The following GPC5 variants were observed in gnomAD, a reference collection of about 807,000 sequenced individuals.
GPC5 encodes the protein glypican 5, also known as glypican-5.
GPC5 carries 47 observed loss-of-function variants against 53.9 expected under a neutral mutation model. The ratio of observed to expected loss-of-function variants is 0.87; its 90% CI spans 0.69 to 1.11. The LOEUF (loss-of-function observed/expected upper bound fraction) is 1.11. Ranked by LOEUF, GPC5 falls within the 50% of genes most tolerant of loss-of-function variation. The probability of loss-of-function intolerance (pLI) is 0.00; values close to 1 mark genes in which losing one functional copy is unlikely to be tolerated. For synonymous variants in GPC5, 286 were observed against 263.3 expected, an observed-to-expected ratio of 1.09 and a Z score of -0.84; for missense variants, 748 against 713.1, an observed-to-expected ratio of 1.05 and a Z score of -0.56.
intron 7 of GPC5, among the ~76,000 whole-genome samples, chr13:92,849,088 A>G (rs1878706004): frequency 7.0e-6 from 1 of 142,766 alleles, no homozygotes; most frequent in African/African-American, 2.7e-5. Context: ...TAATATCCTT[A>G]ATTATGTTAC....
chr13:92,106,159 T>G (rs936514069), intron 6 of GPC5, among the ~76,000 whole-genome samples: 1 of 152,024 alleles, frequency 6.6e-6, no homozygotes, highest in Non-Finnish European at 1.5e-5. Context: ...TCTATGTGTT[T>G]AAATTTAGAA....
intron 7 of GPC5, among the ~76,000 whole-genome samples, chr13:92,339,239 A>G (rs1452922618): frequency 1.3e-5 from 2 of 151,504 alleles, no homozygotes; most frequent in African/African-American, 4.8e-5. Context: ...TCTTTTTCCA[A>G]TGTTTCTTTA....
At chr13:91,735,371 A>C (rs1258860772) in intron 4 of GPC5, among the ~76,000 whole-genome samples, 1 of 150,614 alleles carries the variant, frequency 6.6e-6, no homozygotes, top group Non-Finnish European at 1.5e-5. Context: ...TTCACCTCAC[A>C]CTCATTCTAA....
intron 7 of GPC5, among the ~76,000 whole-genome samples, chr13:92,819,222 GC>G (rs1367138487): frequency 1.3e-5 from 2 of 151,922 alleles, no homozygotes; most frequent in African/African-American, 4.8e-5. Context: ...ATTTTTAAAT[GC>G]ATAGGATATT....
At chr13:92,708,088 T>C (rs969424771) in intron 7 of GPC5, among the ~76,000 whole-genome samples, 1 of 152,174 alleles carries the variant, frequency 6.6e-6, no homozygotes, top group African/African-American at 2.4e-5. Context: ...AGTACATATA[T>C]TTTAAGTGTT....
At chr13:91,628,548 G>A in intron 2 of GPC5, among the ~76,000 whole-genome samples, 1 of 151,882 alleles carries the variant, frequency 6.6e-6, no homozygotes, top group Non-Finnish European at 1.5e-5. Context: ...ATCAGTTGAA[G>A]TAAAATAATA....
chr13:92,854,184 C>T (rs1002194716), intron 7 of GPC5, among the ~76,000 whole-genome samples: 1 of 148,802 alleles, frequency 6.7e-6, no homozygotes, highest in Non-Finnish European at 1.5e-5. Context: ...CATTACCCCA[C>T]CTGTAGTGAT....
At chr13:92,298,509 C>T (rs1024985503) in intron 7 of GPC5, among the ~76,000 whole-genome samples, 2 of 152,208 alleles carry the variant, frequency 1.3e-5, no homozygotes, top group African/African-American at 4.8e-5. Context: ...CCGCTGCTTC[C>T]TCTACCCCTG....
At chr13:92,421,283 G>A (rs1013252710) in intron 7 of GPC5, among the ~76,000 whole-genome samples, 1 of 152,198 alleles carries the variant, frequency 6.6e-6, no homozygotes, top group Non-Finnish European at 1.5e-5. Flanking sequence ...GCTGACTGGA[G>A]TGGAGAAAAG....
At chr13:92,768,219 C>T (rs1343779368) in intron 7 of GPC5, among the ~76,000 whole-genome samples, 1 of 152,158 alleles carries the variant, frequency 6.6e-6, no homozygotes, top group African/African-American at 2.4e-5. Context: ...TACAAACTTA[C>T]AAAATGCATT....
intron 1 of GPC5, among the ~76,000 whole-genome samples, chr13:91,415,471 G>C (rs1191962337): frequency 6.6e-6 from 1 of 152,056 alleles, no homozygotes; most frequent in Non-Finnish European, 1.5e-5. Context: ...GTCCACAGCC[G>C]CACATAGACC....
At chr13:91,924,734 T>C (rs867651472) in intron 6 of GPC5, among the ~76,000 whole-genome samples, 4 of 152,002 alleles carry the variant, frequency 2.6e-5, no homozygotes, top group Non-Finnish European at 5.9e-5. Context: ...TAGTGAGATC[T>C]TGTATCAAAA....
rs78626030 is a variant in GPC5, at chr13:92,510,815, G to C, written c.1562-355467G>C. The stretch of plus-strand genomic sequence containing the variant: ...AGTGAGACATAAGTAAGGGTGATTA[G>C]ATTGATAGCATCTCCATTACCAAAT... On this transcript the variant is annotated intron_variant, in intron 7 of 7. Coordinates refer to ENST00000377067, the MANE Select transcript of GPC5 (RefSeq NM_004466.6). Among the ~76,000 whole-genome samples, 148 of 152,280 alleles carry C rather than the reference G, an allele frequency of 9.7e-4. 1 individual carries two copies. Among genetic ancestry groups the C allele is most frequent in the Admixed American group, 9.0e-3 (138 of 15,296 alleles).
In GPC5 at chr13:92,438,089, T is replaced by G. The variant is rs866781095; in HGVS notation, c.1561+293100T>G. ...CTCCAGGATTGGAGATTATACAGGG[T>G]GGTGGTCATTGGGAGTCATCCTTAG... On this transcript the variant is annotated intron_variant, in intron 7 of 7. Transcript: ENST00000377067. Among the ~76,000 whole-genome samples, 8 of 152,032 alleles carry G rather than the reference T, an allele frequency of 5.3e-5. 1 individual carries two copies. In the Middle Eastern group the frequency reaches 0.017, roughly 323 times the overall value.
In GPC5 at chr13:91,580,079, C is replaced by G. The variant is rs144871889; in HGVS notation, c.326-113108C>G. Among the ~76,000 whole-genome samples, 1,121 of 150,328 alleles carry G rather than the reference C, an allele frequency of 7.5e-3. 13 individuals are homozygous for G. The highest frequency in any genetic ancestry group is 0.026 in the African/African-American group (1,070 of 40,930). Reference sequence around the variant, plus strand: ...CTTAAGGTGCATTTTGAAACAGAGTCTTGCTCTGTCACCCAGGCTGGAGTC... The same window carrying G: ...CTTAAGGTGCATTTTGAAACAGAGTGTTGCTCTGTCACCCAGGCTGGAGTC... On this transcript the variant is annotated intron_variant, in intron 2 of 7. Coordinates refer to ENST00000377067, the MANE Select transcript of GPC5 (RefSeq NM_004466.6).
intron 7 of GPC5, among the ~76,000 whole-genome samples, chr13:92,695,172 A>C (rs1887521701): frequency 6.6e-6 from 1 of 152,166 alleles, no homozygotes; most frequent in Non-Finnish European, 1.5e-5. Flanking sequence ...TCTGTGTGAA[A>C]AGGGACGACT....
At chr13:91,790,228 G>C (rs2037943326) in intron 5 of GPC5, among the ~76,000 whole-genome samples, 1 of 152,112 alleles carries the variant, frequency 6.6e-6, no homozygotes, top group South Asian at 2.1e-4. Flanking sequence ...TTCTCAGATT[G>C]TTAGTTATGT....
At chr13:92,082,114 C>T (rs1460960349) in intron 6 of GPC5, among the ~76,000 whole-genome samples, 2 of 151,966 alleles carry the variant, frequency 1.3e-5, no homozygotes, top group African/African-American at 4.8e-5. Flanking sequence ...CATTTCTCAC[C>T]TTAATTAAAG....
rs553080152 is a variant in GPC5 at position 91,727,643 on chromosome 13, T to C, written c.1021-889T>C. Among the ~76,000 whole-genome samples, 23 of 152,286 alleles carry C rather than the reference T, an allele frequency of 1.5e-4. No individual in the cohort carries two copies. In the South Asian group the frequency reaches 3.9e-3, roughly 26 times the overall value. ...TAACTTTAAGGGAACTTTGGAATAA[T>C]TTGTTCTAACTTCTTCATTGTGCAC... On this transcript the variant is annotated intron_variant, in intron 3 of 7. Coordinates refer to ENST00000377067, the MANE Select transcript of GPC5 (RefSeq NM_004466.6).
Sources: allele counts gnomAD v4.1 joint callset (sites outside exome capture counted in the v4.1 genomes callset), GRCh38; gene constraint gnomAD v4.1.1; transcripts MANE v1.5; gene names NCBI Gene and HGNC (gene_info 2026-07-23, HGNC 2026-07-21).